Variants in CSF2RA observed in about 807,000 individuals in gnomAD.
CSF2RA encodes colony stimulating factor 2 receptor subunit alpha.
In CSF2RA, 42 loss-of-function variants were observed where a neutral mutation model predicts 51.6. That is an observed-to-expected ratio of 0.81 (90% CI 0.64 to 1.05). The LOEUF (loss-of-function observed/expected upper bound fraction) is 1.05. CSF2RA is among the 50% of genes least tolerant of loss of function. CSF2RA has a pLI of 0.00. For missense variants in CSF2RA, 530 were observed against 501.1 expected, an observed-to-expected ratio of 1.06 and a Z score of -0.55; for synonymous variants, 222 against 193.0, an observed-to-expected ratio of 1.15 and a Z score of -1.24.
At chrX:1,271,693 T>G (rs1286824214) in intron 1 of CSF2RA, among the ~76,000 whole-genome samples, 1 of 151,424 alleles carries the variant, frequency 6.6e-6, no homozygotes, top group Non-Finnish European at 1.5e-5. Flanking sequence ...ATTTTTGTAT[T>G]TTTAGTAGGG....
the CSF2RA span, among the ~76,000 whole-genome samples, chrX:1,323,900 G>C: frequency 1.3e-5 from 2 of 151,972 alleles, no homozygotes; most frequent in Non-Finnish European, 2.9e-5. Flanking sequence ...TGTAGTCCCA[G>C]CTACTCGGGA....
Position 1,309,537 on chromosome X carries a change from G to A in CSF2RA, c.*58G>A, listed in dbSNP as rs767118968. The A allele has an allele frequency of 3.1e-6, 5 of 1,613,984 alleles. No homozygotes were observed. The highest frequency in any genetic ancestry group is 3.4e-6 in the Non-Finnish European group (4 of 1,179,862). ...TCCGCCTCCGCGACACGGGGGAACT[G>A]TTTTCTTGATGATGCTGTGAACCTT... On this transcript the variant is annotated 3_prime_UTR_variant, in exon 13 of 13. Transcript: ENST00000381529.
In CSF2RA at chrX:1,279,519, C is replaced by G. The variant is rs766773609; in HGVS notation, c.-26-3159C>G. Among the ~76,000 whole-genome samples, 110 of 151,980 alleles carry G rather than the reference C, an allele frequency of 7.2e-4. No individual in the cohort carries two copies. In the South Asian group the frequency reaches 0.021, roughly 29 times the overall value. On this transcript the variant is annotated intron_variant, in intron 2 of 12. Coordinates refer to ENST00000381529, the MANE Select transcript of CSF2RA (RefSeq NM_172245.4). ...TCTGAATCTCAAGGTCAGGCCCACC[C>G]AGACAGAACATGCATCTCTAGGGTG...
chrX:1,294,452 C>G lies in CSF2RA; in HGVS notation c.771C>G (p.Val257=). ...TGGACTTTCAGTACCAGCTGGACGT[C>G]CACAGAAAGGTCGGTGAGAGCTCCC... ...SYLDFQYQLD[V]HRKNTQPGTE... Residue 257 remains valine (V), a synonymous_variant, in exon 8 of 13, where the codon GTC becomes GTG. Transcript: ENST00000381529. 1 of 1,609,732 alleles carries G rather than the reference C, an allele frequency of 6.2e-7. No homozygotes were observed. The highest frequency in any genetic ancestry group is 1.7e-4 in the Middle Eastern group (1 of 6,016).
At position 1,309,772 on chromosome X, in the gene CSF2RA, C is replaced by A. The variant is rs1255273173; in HGVS notation, c.*293C>A. 3.2e-5 allele frequency: 21 copies of A among 652,938 alleles called. No individual in the cohort carries two copies. Among genetic ancestry groups the A allele is most frequent in the Non-Finnish European group, 4.9e-5 (18 of 367,436 alleles). The allele number at this position is 652,938 out of a possible 1,614,324, so 40.4% of individuals were successfully genotyped here. On this transcript the variant is annotated 3_prime_UTR_variant, in exon 13 of 13. Coordinates refer to ENST00000381529, the MANE Select transcript of CSF2RA (RefSeq NM_172245.4). ...GCACGGCGGCGGACGCCCATCATCC[C>A]AGCTACTTGGGAGGCTGAGGCAGGA...
chrX:1,289,204 ACCTGCGCCTC>A, intron 6 of CSF2RA: 1 of 394,562 alleles, frequency 2.5e-6, no homozygotes, highest in Admixed American at 4.0e-5. Flanking sequence ...GCTCCCTGCA[ACCTGCGCCTC>A]CCTCCAGGGT....
the CSF2RA span, among the ~76,000 whole-genome samples, chrX:1,322,685 C>A: frequency 6.6e-6 from 1 of 151,770 alleles, no homozygotes; most frequent in Non-Finnish European, 1.5e-5. Flanking sequence ...ATGGACAGAG[C>A]GACGTCCTTC....
At chrX:1,271,864 G>A (rs183618672) in intron 1 of CSF2RA, among the ~76,000 whole-genome samples, 23 of 152,162 alleles carry the variant, frequency 1.5e-4, no homozygotes, top group Admixed American at 5.2e-4. Flanking sequence ...AGCTCTTCTC[G>A]AGGGCTGAAA....
At chrX:1,300,754 C>A in intron 10 of CSF2RA, 128 bp downstream of exon 10, 2 of 1,218,798 alleles carry the variant, frequency 1.6e-6, no homozygotes, top group Non-Finnish European at 2.4e-6. Flanking sequence ...TAGTGTCAGG[C>A]TCTGAGCTTA....
chrX:1,309,428 G>A lies in CSF2RA; in HGVS notation c.1152G>A (p.Glu384=). The A allele has an allele frequency of 1.2e-6, 2 of 1,613,994 alleles. No homozygotes were observed. The highest frequency in any genetic ancestry group is 1.1e-5 in the South Asian group (1 of 91,076). The stretch of plus-strand genomic sequence containing the variant: ...TCATCTGGGAGGAATTCACCCCAGA[G>A]GAAGGGAAAGGCTACCGCGAAGAGG... ...DEIIWEEFTP[E]EGKGYREEVL... The change falls in exon 13 of 13, where the codon GAG becomes GAA. Residue 384 remains glutamate (E), a synonymous_variant. Transcript: ENST00000381529.
At chrX:1,277,337 C>T (rs760388366) in intron 2 of CSF2RA, among the ~76,000 whole-genome samples, 2 of 151,946 alleles carry the variant, frequency 1.3e-5, no homozygotes, top group South Asian at 2.1e-4. Flanking sequence ...GTGGCTCACA[C>T]CTGTAATCCC....
intron 2 of CSF2RA, among the ~76,000 whole-genome samples, chrX:1,281,090 C>T (rs2089965812): frequency 2.6e-5 from 2 of 75,538 alleles, no homozygotes; most frequent in Non-Finnish European, 5.3e-5. Context: ...CCTTCTCCTC[C>T]TGCTCCCCTT....
chrX:1,300,711 G>C, intron 10 of CSF2RA, 85 bp downstream of exon 10: 1 of 1,580,198 alleles, frequency 6.3e-7, no homozygotes, highest in East Asian at 2.2e-5. Context: ...TCTGTCCTGG[G>C]CGCTGAGATC....
chrX:1,324,445 AG>A, the CSF2RA span, among the ~76,000 whole-genome samples: 1 of 72,716 alleles, frequency 1.4e-5, no homozygotes, highest in East Asian at 5.7e-4. Flanking sequence ...GAGAGAAAAA[AG>A]AAAGAAAAAG....
At chrX:1,320,240 C>A in the CSF2RA span, among the ~76,000 whole-genome samples, 4 of 151,560 alleles carry the variant, frequency 2.6e-5, no homozygotes, top group African/African-American at 9.7e-5. Context: ...GTTGGTCAGG[C>A]TGGTCTCGAA....
At chrX:1,270,394 A>G (rs1454399923) in intron 1 of CSF2RA, among the ~76,000 whole-genome samples, 1 of 151,914 alleles carries the variant, frequency 6.6e-6, no homozygotes, top group Non-Finnish European at 1.5e-5. Context: ...AAATGCCACC[A>G]TTCCTGGCAA....
chrX:1,290,449 G>A lies in CSF2RA; in HGVS notation c.586G>A (p.Gly196Arg), dbSNP rs137852353. 5.0e-6 allele frequency: 8 copies of A among 1,613,688 alleles called. No individual in the cohort carries two copies. Among genetic ancestry groups the A allele is most frequent in the Admixed American group, 1.7e-5 (1 of 59,946 alleles). Residue 196 changes from glycine (G) to arginine (R), a missense_variant, in exon 7 of 13, where the codon GGA (glycine) becomes AGA (arginine). Transcript: ENST00000381529. ...LTSRNYFLVN[G>R]TSREIGIQFF... ...GTCTCGCAATTACTTTCTGGTTAAC[G>A]GAACCAGCCGAGAAATTGGCATCCA...
At chrX:1,301,308 G>C (rs1162706207) in intron 10 of CSF2RA, among the ~76,000 whole-genome samples, 2 of 142,254 alleles carry the variant, frequency 1.4e-5, no homozygotes, top group African/African-American at 5.3e-5. Flanking sequence ...CTCCAGCCTG[G>C]GTGACAGAGT....
chrX:1,317,235 A>C, the CSF2RA span, among the ~76,000 whole-genome samples: 1 of 131,044 alleles, frequency 7.6e-6, no homozygotes, highest in Non-Finnish European at 1.6e-5. Context: ...GGCGTGAGCC[A>C]CCACGCTCAG....
Sources: gnomAD v4.1 joint callset for allele counts (sites outside exome capture counted in the v4.1 genomes callset) on GRCh38, gnomAD v4.1.1 for gene constraint, MANE v1.5 for transcripts, NCBI Gene and HGNC (gene_info 2026-07-23, HGNC 2026-07-21) for gene names.